TJP2: variants seen among roughly 807,000 people sequenced by gnomAD.
The protein encoded by TJP2 is Friedreich ataxia region gene X104 (tight junction protein ZO-2).
TJP2 carries 91 observed loss-of-function variants against 133.1 expected under a neutral mutation model. The observed-to-expected ratio is 0.68, with a 90% CI of 0.58 to 0.81. TJP2 has a LOEUF of 0.81. Among genes scored for constraint, TJP2 ranks in the 40% least tolerant of loss-of-function variants. The pLI is 0.00. For missense variants in TJP2, 1,541 were observed against 1,565.6 expected (o/e 0.98, Z 0.26); for synonymous variants, 592 against 583.4 (o/e 1.01, Z -0.21).
chr9:69,234,416 T>G, intron 11 of TJP2, 23 bp from the exon 12 acceptor site: 4 of 1,469,434 alleles, frequency 2.7e-6, no homozygotes, highest in Non-Finnish European at 3.7e-6. Context: ...TTTTTTTCTT[T>G]TTCTGTTTTT....
At chr9:69,130,015 C>CAAAAAAAAAAAAAAAAAAAAAAA (rs11355311) in intron 1 of TJP2, among the ~76,000 whole-genome samples, 3 of 94,176 alleles carry the variant, frequency 3.2e-5, no homozygotes, top group South Asian at 3.4e-4. Flanking sequence ...AACTCTGCCT[C>CAAAAAAAAAAAAAAAAAAAAAAA]AAAAAAAAAA....
chr9:69,243,603 C>T (rs1468549810), intron 17 of TJP2, among the ~76,000 whole-genome samples: 1 of 152,184 alleles, frequency 6.6e-6, no homozygotes, highest in African/African-American at 2.4e-5. Flanking sequence ...CTTCAAAGTA[C>T]TCAGTGCATG....
chr9:69,121,408 C>G (rs942720221), upstream of TJP2: 10 of 949,410 alleles, frequency 1.1e-5, no homozygotes, highest in Non-Finnish European at 8.8e-6. Flanking sequence ...CGCCGCTGCT[C>G]TCTGGCTCGC....
chr9:69,152,021 C>T (rs1823499793), intron 2 of TJP2, among the ~76,000 whole-genome samples: 1 of 151,902 alleles, frequency 6.6e-6, no homozygotes, highest in Admixed American at 6.6e-5. Context: ...TTGAGGATGA[C>T]CTTTCTGGCA....
intron 5 of TJP2, among the ~76,000 whole-genome samples, chr9:69,223,079 AAAAAAAAAAAAAG>A (rs1478704225): frequency 8.8e-6 from 1 of 113,270 alleles, no homozygotes; most frequent in Non-Finnish European, 1.9e-5. Flanking sequence ...GAAAAAAAAA[AAAAAAAAAAAAAG>A]AAACCATGGG....
At chr9:69,223,330 C>CG (rs1829057799) in intron 5 of TJP2, among the ~76,000 whole-genome samples, 1 of 151,234 alleles carries the variant, frequency 6.6e-6, no homozygotes, top group Non-Finnish European at 1.5e-5. Flanking sequence ...TGTTTTGAGA[C>CG]GGAGTCTCGC....
intron 2 of TJP2, among the ~76,000 whole-genome samples, chr9:69,168,049 T>C (rs73449148): frequency 0.018 from 2,695 of 151,472 alleles, 73 homozygotes; most frequent in African/African-American, 0.063. Context: ...TTCTACATAA[T>C]ATCAAGATGT....
intron 1 of TJP2, among the ~76,000 whole-genome samples, chr9:69,174,894 A>G (rs1824954682): frequency 6.9e-6 from 1 of 144,738 alleles, no homozygotes; most frequent in Non-Finnish European, 1.5e-5. Flanking sequence ...TGCGTCTGTA[A>G]TAGAAGTAAA....
chr9:69,211,980 T>C (rs1203930203), intron 1 of TJP2, among the ~76,000 whole-genome samples: 4 of 152,238 alleles, frequency 2.6e-5, no homozygotes, highest in Non-Finnish European at 4.4e-5. Flanking sequence ...TAGTTTTTTC[T>C]GGATACCTAC....
chr9:69,193,453 AT>A (rs1277880836), intron 1 of TJP2, among the ~76,000 whole-genome samples: 3 of 150,330 alleles, frequency 2.0e-5, no homozygotes, highest in Non-Finnish European at 4.4e-5. Context: ...TCTGCCAGTA[AT>A]TTTTGTTTCT....
At chr9:69,145,804 T>A in intron 1 of TJP2, 1 of 1,232,098 alleles carries the variant, frequency 8.1e-7, no homozygotes. Context: ...CACGTGAACC[T>A]TTGGCAACAA....
chr9:69,166,318 G>A (rs1258276266), intron 2 of TJP2, among the ~76,000 whole-genome samples: 1 of 152,114 alleles, frequency 6.6e-6, no homozygotes. Context: ...CCCAAGGCTG[G>A]TCTTGAACTC....
At position 69,221,022 on chromosome 9, in the gene TJP2, C is replaced by A. The variant is rs755935175; in HGVS notation, c.478C>A (p.Arg160=). ...CCGGAGTGGCTACAGCGAGAGGAGC[C>A]GGCTGAACAGCCATGGGGGGCGCAG... The part of the protein sequence containing the change: ...SFRSGYSERS[R]LNSHGGRSRS... The change falls in exon 5 of 23, where the codon CGG becomes AGG. Residue 160 remains arginine, a synonymous_variant. Coordinates refer to ENST00000377245, the MANE Select transcript of TJP2 (RefSeq NM_004817.4). 5 of 1,609,954 alleles carry A rather than the reference C, an allele frequency of 3.1e-6. No homozygotes were observed. The East Asian group carries it at 6.7e-5, about 22-fold the overall frequency.
upstream of TJP2, among the ~76,000 whole-genome samples, chr9:69,172,185 C>T (rs565431866): frequency 6.6e-6 from 1 of 152,308 alleles, no homozygotes; most frequent in South Asian, 2.1e-4. Context: ...AATTGTTTCT[C>T]CAAAGAGTTG....
chr9:69,236,487 C>T (rs1046887362), intron 13 of TJP2, among the ~76,000 whole-genome samples: 2 of 152,168 alleles, frequency 1.3e-5, no homozygotes, highest in African/African-American at 4.8e-5. Context: ...GGAGCATCCA[C>T]TGCCTTGTAC....
chr9:69,131,241 C>T (rs1434236458), intron 1 of TJP2, among the ~76,000 whole-genome samples: 2 of 152,176 alleles, frequency 1.3e-5, no homozygotes, highest in East Asian at 3.8e-4. Context: ...TATTTGCCTG[C>T]TCAGCTTAAT....
At chr9:69,234,352 A>G (rs1392315498) in intron 11 of TJP2, 87 bp from the exon 12 acceptor site, 8 of 1,136,400 alleles carry the variant, frequency 7.0e-6, no homozygotes, top group Non-Finnish European at 8.7e-6. Context: ...GTGGCATCTT[A>G]CTATAAACTT....
chr9:69,251,115 T>C lies in TJP2; in HGVS notation c.3072T>C (p.Gly1024=). ...AGTCAAACCCCTCTGCCGTTGCTGGTAATGAAACTCCTGGGGCATCTACCA... is the reference window on the plus strand; with the variant it reads ...AGTCAAACCCCTCTGCCGTTGCTGGCAATGAAACTCCTGGGGCATCTACCA... ...EYKSNPSAVA[G]NETPGASTKG... The change falls in exon 21 of 23, where the codon GGT becomes GGC. Residue 1024 remains glycine (G), a synonymous_variant. Transcript: ENST00000377245. 1.9e-6 allele frequency: 3 copies of C among 1,614,174 alleles called. No individual in the cohort carries two copies. Among genetic ancestry groups the C allele is most frequent in the Middle Eastern group, 1.6e-4 (1 of 6,062 alleles).
At chr9:69,251,768 C>A (rs1346404957) in intron 21 of TJP2, among the ~76,000 whole-genome samples, 3 of 152,028 alleles carry the variant, frequency 2.0e-5, no homozygotes, top group Non-Finnish European at 4.4e-5. Flanking sequence ...ATAGATTGTA[C>A]TTTTTGAGCT....
Sources: gnomAD v4.1 joint callset for allele counts (sites outside exome capture counted in the v4.1 genomes callset) on GRCh38, gnomAD v4.1.1 for gene constraint, MANE v1.5 for transcripts, NCBI Gene and HGNC (gene_info 2026-07-23, HGNC 2026-07-21) for gene names.